MYH11: variants seen among roughly 807,000 people sequenced by gnomAD.
MYH11 encodes myosin heavy chain 11.
Under a neutral mutation model 246.6 loss-of-function variants are expected in MYH11, and 80 were observed. That is an observed-to-expected ratio of 0.32 (90% confidence interval 0.27 to 0.39). The LOEUF (loss-of-function observed/expected upper bound fraction) is 0.39, where lower values mean the gene tolerates loss of function less well. Among genes scored for constraint, MYH11 ranks in the 10% least tolerant of loss-of-function variants. The pLI, the probability that MYH11 is intolerant of heterozygous loss-of-function variation, is 1.00. For missense variants in MYH11, 2,158 were observed against 2,546.8 expected, an observed-to-expected ratio of 0.85 and a Z score of 3.29; for synonymous variants, 1,071 against 1,015.5, an observed-to-expected ratio of 1.05 and a Z score of -1.04.
At chr16:15,737,097 A>G (rs2041139815) in intron 25 of MYH11, among the ~76,000 whole-genome samples, 1 of 152,034 alleles carries the variant, frequency 6.6e-6, no homozygotes, top group Non-Finnish European at 1.5e-5. Context: ...CGCCTTAGAC[A>G]GGGGTGTTTG....
chr16:15,834,218 G>A (rs1190023361), intron 2 of MYH11, among the ~76,000 whole-genome samples: 1 of 151,944 alleles, frequency 6.6e-6, no homozygotes, highest in African/African-American at 2.4e-5. Context: ...CCTACAGACG[G>A]GCCTCTTTAG....
intron 6 of MYH11, among the ~76,000 whole-genome samples, chr16:15,781,442 AAG>A (rs1354256882): frequency 1.3e-5 from 2 of 152,194 alleles, no homozygotes; most frequent in Non-Finnish European, 2.9e-5. Context: ...GCTTTCTGCA[AAG>A]AGTCTTTCAC....
At chr16:15,712,247 C>G (rs999247354) in intron 40 of MYH11, among the ~76,000 whole-genome samples, 1 of 152,098 alleles carries the variant, frequency 6.6e-6, no homozygotes, top group Non-Finnish European at 1.5e-5. Context: ...GTCTGAGGTT[C>G]TAGGAAGAAG....
rs1347501840 is a variant in MYH11, at chr16:15,745,381, C to G, written c.2412-144G>C. 6.4e-6 allele frequency: 4 copies of G among 621,970 alleles called. No individual in the cohort carries two copies. In the African/African-American group the frequency reaches 7.3e-5, roughly 11 times the overall value. 38.5% of individuals were successfully genotyped at this position (621,970 alleles called of 1,614,324 possible). ...GTTCTTCCAGAAACCCTGTGTGACA[C>G]ATGTGTTGTCTGGCTGCAAACAACT... On this transcript the variant is annotated intron_variant, in intron 19 of 40. Coordinates refer to ENST00000300036, the MANE Select transcript of MYH11 (RefSeq NM_002474.3).
chr16:15,713,851 T>A (rs1000073725), intron 40 of MYH11: 2 of 152,528 alleles, frequency 1.3e-5, no homozygotes, highest in Admixed American at 1.3e-4. Flanking sequence ...GGGAACCGGA[T>A]GTTGAGGATG....
intron 3 of MYH11, among the ~76,000 whole-genome samples, chr16:15,800,637 ATGG>A: frequency 6.6e-6 from 1 of 151,208 alleles, no homozygotes; most frequent in Non-Finnish European, 1.5e-5. Flanking sequence ...GGATGGATGG[ATGG>A]ATGGGAATAT....
chr16:15,712,809 T>TGGCCATA (rs74275915), intron 40 of MYH11: 1 of 150,194 alleles, frequency 6.7e-6, no homozygotes, highest in Non-Finnish European at 1.5e-5. Context: ...CTCTGGCCAT[T>TGGCCATA]AGTGTCACCC....
intron 25 of MYH11, 50 bp downstream of exon 25, chr16:15,737,399 C>A (rs1237090669): frequency 6.2e-7 from 1 of 1,602,582 alleles, no homozygotes; most frequent in Non-Finnish European, 8.5e-7. Flanking sequence ...TGAGCAGGGG[C>A]CCAGGGGATA....
At chr16:15,708,974 T>C in intron 40 of MYH11, 1 of 975,234 alleles carries the variant, frequency 1.0e-6, no homozygotes, top group Non-Finnish European at 1.6e-6. Flanking sequence ...TTTGAGATAG[T>C]CTCTGTCACC....
intron 33 of MYH11, 39 bp downstream of exon 33, chr16:15,720,800 A>C: frequency 2.5e-6 from 4 of 1,605,566 alleles, no homozygotes; most frequent in Non-Finnish European, 3.4e-6. Flanking sequence ...GAAAAAGGCC[A>C]CCCGACCTCC....
chr16:15,788,279 G>T (rs1334200942), intron 4 of MYH11, among the ~76,000 whole-genome samples: 1 of 150,836 alleles, frequency 6.6e-6, no homozygotes, highest in East Asian at 1.9e-4. Flanking sequence ...TTTGTTTTTT[G>T]TGTTTCCTTT....
In MYH11 at chr16:15,793,706, G is replaced by A. The variant is rs564538930; in HGVS notation, c.530+4954C>T. Among the ~76,000 whole-genome samples, 55 of 134,310 alleles carry A rather than the reference G, an allele frequency of 4.1e-4. No homozygotes were observed. In the East Asian group the frequency reaches 0.01, roughly 26 times the overall value. 88.1% of individuals were successfully genotyped at this position (134,310 alleles called of 152,430 possible). ...GTGATCTCAGCTCACTGCAAGCTCC[G>A]CCCCCCAGGTTCACGCCATTCTCCT... On this transcript the variant is annotated intron_variant, in intron 4 of 40. Coordinates refer to ENST00000300036, the MANE Select transcript of MYH11 (RefSeq NM_002474.3).
intron 11 of MYH11, among the ~76,000 whole-genome samples, chr16:15,760,239 T>C (rs1271019727): frequency 6.6e-6 from 1 of 151,368 alleles, no homozygotes; most frequent in Admixed American, 6.6e-5. Flanking sequence ...GACAGCTGGA[T>C]GGGTGATGGA....
chr16:15,755,010 T>C (rs1567731153), intron 14 of MYH11, among the ~76,000 whole-genome samples: 1 of 152,280 alleles, frequency 6.6e-6, no homozygotes, highest in East Asian at 1.9e-4. Context: ...TACTCAACTC[T>C]AGCACTGTAG....
chr16:15,756,632 C>G, intron 13 of MYH11, 118 bp from the exon 14 acceptor site: 1 of 1,052,654 alleles, frequency 9.5e-7, no homozygotes, highest in Non-Finnish European at 1.4e-6. Context: ...ACTGTATTTG[C>G]CCACATATAA....
At position 15,823,250 on chromosome 16, in the gene MYH11, C is replaced by T. The variant is rs376531977; in HGVS notation, c.502+5G>A. The T allele has an allele frequency of 6.2e-7, 1 of 1,614,132 alleles. No homozygotes were observed. The highest frequency in any genetic ancestry group is 8.5e-7 in the Non-Finnish European group (1 of 1,180,036). ...CTGGCCCCGTGCAGCCCTGAGTTCACTCACCTTGAAGCATGCTCCGGTAGG... is the reference window on the plus strand; with the variant it reads ...CTGGCCCCGTGCAGCCCTGAGTTCATTCACCTTGAAGCATGCTCCGGTAGG... On this transcript the variant is annotated splice_donor_5th_base_variant and intron_variant, in intron 3 of 40. Coordinates refer to ENST00000300036, the MANE Select transcript of MYH11 (RefSeq NM_002474.3).
At chr16:15,849,576 G>A (rs1327753510) in intron 1 of MYH11, among the ~76,000 whole-genome samples, 1 of 152,032 alleles carries the variant, frequency 6.6e-6, no homozygotes, top group Non-Finnish European at 1.5e-5. Flanking sequence ...CAAGTAGCTG[G>A]GATCACAGGC....
At chr16:15,771,794 G>C (rs1356328134) in intron 8 of MYH11, 82 bp from the exon 9 acceptor site, 2 of 1,548,388 alleles carry the variant, frequency 1.3e-6, no homozygotes, top group African/African-American at 2.7e-5. Context: ...TCAAGGGTCT[G>C]GGCCATCATA....
chr16:15,717,616 G>T, intron 37 of MYH11: 1 of 570,882 alleles, frequency 1.8e-6, no homozygotes, highest in Non-Finnish European at 3.1e-6. Context: ...CCAACATGGT[G>T]AAACCCCGTC....
Sources: allele counts gnomAD v4.1 joint callset (sites outside exome capture counted in the v4.1 genomes callset), GRCh38; gene constraint gnomAD v4.1.1; transcripts MANE v1.5; gene names NCBI Gene and HGNC (gene_info 2026-07-23, HGNC 2026-07-21).